Variants in CASKIN2 observed in about 807,000 individuals in gnomAD.
CASKIN2 encodes the protein caskin-2.
CASKIN2 carries 41 observed loss-of-function variants against 107.1 expected under a neutral mutation model. The observed-to-expected ratio is 0.38, with a 90% CI of 0.30 to 0.50. The LOEUF (loss-of-function observed/expected upper bound fraction) is 0.50. CASKIN2 is among the 20% of genes least tolerant of loss of function. The probability of loss-of-function intolerance (pLI) is 0.92; values close to 1 mark genes in which losing one functional copy is unlikely to be tolerated. For missense variants in CASKIN2, 1,546 were observed against 1,657.4 expected, an observed-to-expected ratio of 0.93 and a Z score of 1.17; for synonymous variants, 724 against 705.6, an observed-to-expected ratio of 1.03 and a Z score of -0.41.
At chr17:75,513,635 A>ACCCCCCCC in intron 2 of CASKIN2, 76 bp downstream of exon 2, 1 of 1,042,244 alleles carries the variant, frequency 9.6e-7, no homozygotes, top group Non-Finnish European at 1.5e-6. Context: ...GATCACAGTG[A>ACCCCCCCC]CCCACCCCCA....
At chr17:75,504,759 G>A in intron 11 of CASKIN2, 53 bp downstream of exon 11, 1 of 1,576,420 alleles carries the variant, frequency 6.3e-7, no homozygotes, top group Non-Finnish European at 8.6e-7. Flanking sequence ...CTGGCAGCTT[G>A]CCCAGGCCAC....
chr17:75,502,859 G>A lies in CASKIN2; in HGVS notation c.2215C>T (p.Pro739Ser). The change falls in exon 18 of 20, where the codon CCC becomes TCC. Residue 739 changes from proline to serine, a missense_variant. Transcript: ENST00000321617. This position sits in a 1 kb window ranked among gnomAD's most constrained non-coding sequence, Gnocchi z 4.3. ...ERNLPEGTERPPKLCSSLPGQ... is the reference protein window; with the variant it reads ...ERNLPEGTERSPKLCSSLPGQ... The stretch of plus-strand genomic sequence containing the variant: ...GGAAGTGAAGAACAAAGCTTAGGGG[G>A]CCGCTCTGTGCCCTCTGGGAGGTTC... 6.5e-7 allele frequency: 1 copy of A among 1,544,394 alleles called. No individual in the cohort carries two copies. The highest frequency in any genetic ancestry group is 8.7e-7 in the Non-Finnish European group (1 of 1,145,570).
rs748324444 is a variant in CASKIN2 at position 75,502,970 on chromosome 17, C to A, written c.2104G>T (p.Gly702Trp). 1 of 1,599,382 alleles carries A rather than the reference C, an allele frequency of 6.3e-7. No individual in the cohort carries two copies. Residue 702 changes from glycine to tryptophan, a missense_variant, in exon 18 of 20, where the codon GGG becomes TGG. This residue lies in a region of CASKIN2 where 1,311 missense variants were observed against 1,311.0 expected (regional missense o/e 1.00). Coordinates refer to ENST00000321617, the MANE Select transcript of CASKIN2 (RefSeq NM_020753.5). The surrounding 1 kb of genome is among the most constrained non-coding windows in gnomAD (Gnocchi z 4.3). ...TGGCCAGACCCCCGTGAGCGTGCCC[C>A]GATGCTCTCCTGGCTGGGAGAGCGG... The part of the protein sequence containing the change: ...PARSPSQESI[G>W]ARSRGSGHSQ...
intron 17 of CASKIN2, 46 bp downstream of exon 17, chr17:75,503,343 C>T (rs774460574): frequency 3.1e-6 from 5 of 1,591,770 alleles, no homozygotes; most frequent in East Asian, 4.5e-5. Flanking sequence ...TCTTGGAGAC[C>T]CCGGAGGCAG....
intron 2 of CASKIN2, chr17:75,509,595 C>T (rs952554646): frequency 1.4e-5 from 14 of 985,604 alleles, no homozygotes; most frequent in African/African-American, 1.7e-5. Flanking sequence ...CTCCATTTTC[C>T]TCCAGTCCCC....
rs1175848867 is a variant in CASKIN2 at position 75,501,869 on chromosome 17, G to T, written c.3205C>A (p.Pro1069Thr). Residue 1069 changes from proline to threonine, a missense_variant, in exon 18 of 20, where the codon CCA (proline) becomes ACA (threonine). Around this residue, in one of 6 missense-constraint regions of CASKIN2, gnomAD observed 1,311 missense variants for 1,311.0 expected, o/e 1.00. Transcript: ENST00000321617. ...CTAGCTGCTGAGCTTTCCAGACCTG[G>T]CCCTGGGCAGGGCGGCACTGGAGGC... is the stretch of plus-strand genomic sequence containing the variant. Reference protein sequence around the residue: ...MQPPVPPCPGPGLESSAASRW... With the variant: ...MQPPVPPCPGTGLESSAASRW... 1 of 1,563,018 alleles carries T rather than the reference G, an allele frequency of 6.4e-7. No homozygotes were observed. Among genetic ancestry groups the T allele is most frequent in the Admixed American group, 1.9e-5 (1 of 53,420 alleles).
rs1341115837 is a variant in CASKIN2, at chr17:75,505,386, G to C, written c.930+171C>G. 2 of 685,786 alleles carry C rather than the reference G, an allele frequency of 2.9e-6. No homozygotes were observed. Among genetic ancestry groups the C allele is most frequent in the African/African-American group, 3.6e-5 (2 of 55,854 alleles). 42.5% of individuals were successfully genotyped at this position (685,786 alleles called of 1,614,324 possible). On this transcript the variant is annotated intron_variant, in intron 10 of 19. Coordinates refer to ENST00000321617, the MANE Select transcript of CASKIN2 (RefSeq NM_020753.5). The surrounding 1 kb of genome is among the most constrained non-coding windows in gnomAD (Gnocchi z 5.1). ...TTTATTTTGTTTAATTCTCAATTTT[G>C]TCATCTGTAAAGAAGAAATGCTAAC...
intron 17 of CASKIN2, 41 bp from the exon 18 acceptor site, chr17:75,503,295 G>C: frequency 6.4e-7 from 1 of 1,573,618 alleles, no homozygotes. Flanking sequence ...GCTGGGGCTG[G>C]GGTTGTCCTG....
In CASKIN2 at chr17:75,502,480, C is replaced by T. The variant is rs752399507; in HGVS notation, c.2594G>A (p.Arg865His). 51 of 1,449,896 alleles carry T rather than the reference C, an allele frequency of 3.5e-5. No homozygotes were observed. Among genetic ancestry groups the T allele is most frequent in the Non-Finnish European group, 4.5e-5 (49 of 1,097,224 alleles). 89.8% of individuals were successfully genotyped at this position (1,449,896 alleles called of 1,614,324 possible). ...RSQSFALRAR[R>H]KGPPPPPPKR... ...GGGGGGCGGGGGCGGGGGGCCTTTG[C>T]GCCGGGCCCGCAGGGCAAAGGACTG... Residue 865 changes from arginine (R) to histidine (H), a missense_variant, in exon 18 of 20, where the codon CGC (arginine) becomes CAC (histidine). Transcript: ENST00000321617. The surrounding 1 kb of genome is among the most constrained non-coding windows in gnomAD (Gnocchi z 4.3).
chr17:75,503,063 C>T lies in CASKIN2; in HGVS notation c.2011G>A (p.Glu671Lys), dbSNP rs764160970. The T allele has an allele frequency of 1.4e-5, 22 of 1,606,860 alleles. No homozygotes were observed. The Admixed American group carries it at 2.4e-4, about 17-fold the overall frequency. Residue 671 changes from glutamate (E) to lysine (K), a missense_variant, in exon 18 of 20, where the codon GAA (glutamate) becomes AAA (lysine). Transcript: ENST00000321617. Reference protein sequence around the residue: ...GPRLLTFQGSELSPELQAAMA... With the variant: ...GPRLLTFQGSKLSPELQAAMA... ...GCCGCCTGTAGCTCTGGGCTTAGTT[C>T]GCTGCCCTGGAAGGTGAGGAGCCGT...
In CASKIN2 at chr17:75,502,564, G is replaced by A. The variant is rs375658580; in HGVS notation, c.2510C>T (p.Ala837Val). The change falls in exon 18 of 20, where the codon GCC (alanine) becomes GTC (valine). Residue 837 changes from alanine to valine, a missense_variant. Around this residue, in one of 6 missense-constraint regions of CASKIN2, gnomAD observed 1,311 missense variants for 1,311.0 expected, o/e 1.00. Transcript: ENST00000321617. This position sits in a 1 kb window ranked among gnomAD's most constrained non-coding sequence, Gnocchi z 4.3. Reference protein sequence around the residue: ...ATLTRRPGRSALVRTSPSVTP... With the variant: ...ATLTRRPGRSVLVRTSPSVTP... ...CACACTAGGACTGGTCCGGACAAGG[G>A]CACTGCGTCCTGGCCGCCGGGTAAG... 22 of 1,576,048 alleles carry A rather than the reference G, an allele frequency of 1.4e-5. No homozygotes were observed. The African/African-American group carries it at 2.2e-4, about 15-fold the overall frequency.
rs1425860216 is a variant in CASKIN2, at chr17:75,501,448, C to T, written c.3518+20G>A. On this transcript the variant is annotated intron_variant, in intron 19 of 19. Coordinates refer to ENST00000321617, the MANE Select transcript of CASKIN2 (RefSeq NM_020753.5). ...TGTTTCTCTGCAGCCTTCTCTCCCT[C>T]CCCATCCGGCCCCCCTCACCCCTCT... 4 of 1,595,958 alleles carry T rather than the reference C, an allele frequency of 2.5e-6. No individual in the cohort carries two copies. In the African/African-American group the frequency reaches 5.4e-5, roughly 21 times the overall value.
Position 75,501,069 on chromosome 17 carries a change from T to C in CASKIN2, c.*11A>G. ...GACTTCGGCAGGTCACAGTGGGCAC[T>C]GCTGGAGGGCTCAGTCCAGCATGGC... is the stretch of plus-strand genomic sequence containing the variant. On this transcript the variant is annotated 3_prime_UTR_variant, in exon 20 of 20. Transcript: ENST00000321617. 1.3e-6 allele frequency: 2 copies of C among 1,561,816 alleles called. No homozygotes were observed. The highest frequency in any genetic ancestry group is 1.7e-6 in the Non-Finnish European group (2 of 1,153,232).
Position 75,501,466 on chromosome 17 carries a change from A to T in CASKIN2, c.3518+2T>A. The T allele has an allele frequency of 6.2e-7, 1 of 1,602,012 alleles. No homozygotes were observed. The highest frequency in any genetic ancestry group is 8.5e-7 in the Non-Finnish European group (1 of 1,171,948). The stretch of plus-strand genomic sequence containing the variant: ...TCTCCCTCCCCATCCGGCCCCCCTC[A>T]CCCCTCTTGCTCCTTGGTGCCAATG... On this transcript the variant is annotated splice_donor_variant, in intron 19 of 19. Coordinates refer to ENST00000321617, the MANE Select transcript of CASKIN2 (RefSeq NM_020753.5). LOFTEE classifies it high-confidence loss of function.
intron 2 of CASKIN2, among the ~76,000 whole-genome samples, chr17:75,511,064 T>TC (rs2053312076): frequency 6.8e-6 from 1 of 147,410 alleles, no homozygotes; most frequent in African/African-American, 2.5e-5. Context: ...CTGTCCTTTT[T>TC]TTTTTTTTTT....
Position 75,504,677 on chromosome 17 carries a change from A to T in CASKIN2, c.1209T>A (p.Ser403Arg). 6.3e-7 allele frequency: 1 copy of T among 1,599,050 alleles called. No individual in the cohort carries two copies. The highest frequency in any genetic ancestry group is 8.5e-7 in the Non-Finnish European group (1 of 1,170,928). The change falls in exon 12 of 20, where the codon AGT becomes AGA. Residue 403 changes from serine (S) to arginine (R), a missense_variant. Transcript: ENST00000321617. ...TGCCCACGCTGCCCTCACTGCCCAC[A>T]CTATTCCTGTCACCTGCTGTGGGGG... is the stretch of plus-strand genomic sequence containing the variant. ...SPDSPAGDRN[S>R]VGSEGSVGSI...
intron 1 of CASKIN2, among the ~76,000 whole-genome samples, chr17:75,514,521 C>A (rs952153182): frequency 1.3e-5 from 2 of 152,144 alleles, no homozygotes; most frequent in African/African-American, 4.8e-5. Context: ...GCAGGCCGGG[C>A]CAGCAGCCTG....
chr17:75,502,246 C>T lies in CASKIN2; in HGVS notation c.2828G>A (p.Arg943Gln), dbSNP rs561216420. Residue 943 changes from arginine (R) to glutamine (Q), a missense_variant, in exon 18 of 20, where the codon CGG becomes CAG. Arg to Gln is a conservative substitution (Grantham distance 43). Transcript: ENST00000321617. This position sits in a 1 kb window ranked among gnomAD's most constrained non-coding sequence, Gnocchi z 4.3. ...CGGCAGCCCTTCCCCAGAGCTGCCC[C>T]GAGATGGGGGCGTCCCCTCAGGGCC... ...EPGPEGTPPSRGSSGEGLPFA... is the reference protein window; with the variant it reads ...EPGPEGTPPSQGSSGEGLPFA... The T allele has an allele frequency of 2.2e-5, 35 of 1,562,082 alleles. No individual in the cohort carries two copies. The highest frequency in any genetic ancestry group is 2.7e-5 in the African/African-American group (2 of 74,430).
chr17:75,508,304 G>C lies in CASKIN2; in HGVS notation c.95-19C>G. 6.2e-7 allele frequency: 1 copy of C among 1,612,402 alleles called. No individual in the cohort carries two copies. Among genetic ancestry groups the C allele is most frequent in the Non-Finnish European group, 8.5e-7 (1 of 1,179,194 alleles). ...AGGAGCTCTAGGGGTCAGGATAGGA[G>C]GTGTCAGGGCCATCAGATGACTGCC... On this transcript the variant is annotated intron_variant, in intron 2 of 19. Coordinates refer to ENST00000321617, the MANE Select transcript of CASKIN2 (RefSeq NM_020753.5).
Sources: allele counts gnomAD v4.1 joint callset (sites outside exome capture counted in the v4.1 genomes callset), GRCh38; gene constraint gnomAD v4.1.1; regional missense constraint gnomAD v4.1.1; non-coding constraint Gnocchi (gnomAD v3.1); transcripts MANE v1.5; gene names NCBI Gene and HGNC (gene_info 2026-07-23, HGNC 2026-07-21).